Variants in EXD1 observed in about 807,000 individuals in gnomAD.
EXD1 encodes the protein exonuclease 3'-5' domain containing 1.
Under a neutral mutation model 49.1 loss-of-function variants are expected in EXD1, and 63 were observed. That is an observed-to-expected ratio of 1.28 (90% CI 1.05 to 1.58). The LOEUF is 1.58. Ranked by LOEUF, EXD1 falls within the 40% of genes most tolerant of loss-of-function variation. EXD1 has a pLI of 0.00. For synonymous variants in EXD1, 234 were observed against 239.2 expected (o/e 0.98, Z 0.20); for missense variants, 748 against 666.0 (o/e 1.12, Z -1.36).
intron 11 of EXD1, 92 bp from the exon 12 acceptor site, chr15:41,184,685 C>T (rs1312827528): frequency 4.0e-6 from 5 of 1,258,706 alleles, no homozygotes; most frequent in Admixed American, 3.2e-5. Context: ...GATGGAGTCT[C>T]GCTCTGTCGC....
In EXD1 at chr15:41,184,020, T is replaced by C. The variant is rs754486203; in HGVS notation, c.1630A>G (p.Ile544Val). ...AGTGTGGAAACCACAGTCTTTCTGA[T>C]AGGATAAAAAGTGTCACTTGGAGAC... ...RVSPSDTFYP[I>V]RKTVVSTLPP... is the part of the protein sequence containing the mutation. The change falls in exon 12 of 12, where the codon ATC (isoleucine) becomes GTC (valine). Residue 544 changes from isoleucine to valine, a missense_variant. Coordinates refer to ENST00000458580, the MANE Select transcript of EXD1 (RefSeq NM_001286441.2). 1.9e-6 allele frequency: 3 copies of C among 1,614,030 alleles called. No homozygotes were observed. Among genetic ancestry groups the C allele is most frequent in the African/African-American group, 2.7e-5 (2 of 74,910 alleles).
chr15:41,200,428 C>G, intron 7 of EXD1, among the ~76,000 whole-genome samples: 1 of 152,100 alleles, frequency 6.6e-6, no homozygotes, highest in Non-Finnish European at 1.5e-5. Context: ...GAGGCTGAGA[C>G]AGGAGAACTG....
intron 11 of EXD1, 68 bp downstream of exon 11, chr15:41,189,869 G>T (rs2046477584): frequency 1.3e-6 from 2 of 1,484,852 alleles, no homozygotes; most frequent in Non-Finnish European, 1.9e-6. Flanking sequence ...ATGAAGAAAG[G>T]GTATCACTGT....
chr15:41,183,861 G>A lies in EXD1; in HGVS notation c.*70C>T, dbSNP rs938691703. Reference sequence around the variant, plus strand: ...TACATTTACAACATGAGAAACCTGGGCACTGTGGAAAGCCCTGATGGCAAA... The same window carrying A: ...TACATTTACAACATGAGAAACCTGGACACTGTGGAAAGCCCTGATGGCAAA... On this transcript the variant is annotated 3_prime_UTR_variant, in exon 12 of 12. Transcript: ENST00000458580. The A allele has an allele frequency of 4.9e-6, 7 of 1,438,400 alleles. No individual in the cohort carries two copies. In the African/African-American group the frequency reaches 1.0e-4, roughly 21 times the overall value. 89.1% of individuals were successfully genotyped at this position (1,438,400 alleles called of 1,614,324 possible).
At chr15:41,228,026 G>A (rs899498943) in intron 1 of EXD1, among the ~76,000 whole-genome samples, 2 of 152,076 alleles carry the variant, frequency 1.3e-5, no homozygotes, top group Non-Finnish European at 2.9e-5. Flanking sequence ...CTCCAGCCTG[G>A]GAGACAAGAG....
At chr15:41,215,901 T>C (rs567978492) in intron 5 of EXD1, 68 bp from the exon 6 acceptor site, 13 of 1,538,118 alleles carry the variant, frequency 8.5e-6, no homozygotes, top group Non-Finnish European at 1.2e-5. Flanking sequence ...CTCAATAATT[T>C]TGGCCACACT....
chr15:41,189,770 T>A (rs990850710), intron 11 of EXD1, among the ~76,000 whole-genome samples, 167 bp downstream of exon 11: 11 of 152,204 alleles, frequency 7.2e-5, no homozygotes, highest in African/African-American at 2.2e-4. Flanking sequence ...CTTAACATTA[T>A]GAAAAAGTGA....
intron 6 of EXD1, among the ~76,000 whole-genome samples, chr15:41,211,609 G>A (rs940550533): frequency 2.0e-5 from 3 of 151,868 alleles, no homozygotes; most frequent in Non-Finnish European, 4.4e-5. Flanking sequence ...GATTGCTTGA[G>A]CCCAGGAGTT....
At position 41,222,363 on chromosome 15, in the gene EXD1, C is replaced by T. The variant is rs116925408; in HGVS notation, c.134-2465G>A. Among the ~76,000 whole-genome samples, 371 of 152,204 alleles carry T rather than the reference C, an allele frequency of 2.4e-3. 11 individuals are homozygous for T. In the East Asian group the frequency reaches 0.056, roughly 23 times the overall value. The stretch of plus-strand genomic sequence containing the variant: ...CTGGGAGGCGGAGGTTGCAGTGAGT[C>T]GAGATCCCTCCCAAAGTGCTGAGAT... On this transcript the variant is annotated intron_variant, in intron 2 of 11. Coordinates refer to ENST00000458580, the MANE Select transcript of EXD1 (RefSeq NM_001286441.2).
chr15:41,184,229 G>A lies in EXD1; in HGVS notation c.1421C>T (p.Ser474Leu). The A allele has an allele frequency of 6.2e-7, 1 of 1,614,104 alleles. No individual in the cohort carries two copies. ...TATTCTCTGGTCCTCTGACCCCTTT[G>A]ACTTTGTGCAAATGAGTTTGTTACT... ...DSSNKLICTK[S>L]KGSEDQRITQ... is the part of the protein sequence containing the mutation. Residue 474 changes from serine to leucine, a missense_variant, in exon 12 of 12, where the codon TCA (serine) becomes TTA (leucine). Coordinates refer to ENST00000458580, the MANE Select transcript of EXD1 (RefSeq NM_001286441.2).
At chr15:41,206,095 C>T in intron 7 of EXD1, among the ~76,000 whole-genome samples, 1 of 151,882 alleles carries the variant, frequency 6.6e-6, no homozygotes, top group Middle Eastern at 3.2e-3. Context: ...GGAGCAAAAT[C>T]TTTATTTATC....
At chr15:41,205,641 G>A (rs2046810318) in intron 7 of EXD1, among the ~76,000 whole-genome samples, 2 of 151,432 alleles carry the variant, frequency 1.3e-5, no homozygotes, top group South Asian at 2.1e-4. Context: ...TAGCTATCAC[G>A]GTGGGATGTG....
At chr15:41,198,690 ATTTTTTAATTAAAAAAAATTTTTTTTTT>A (rs1217222838) in intron 7 of EXD1, among the ~76,000 whole-genome samples, 2 of 145,966 alleles carry the variant, frequency 1.4e-5, no homozygotes, top group Non-Finnish European at 3.0e-5. Context: ...CTCTCTTTTT[ATTTTTTAATTAAAAAAAATTTTTTTTTT>A]TTTTAAGACA....
At chr15:41,225,564 A>C (rs1184831159) in intron 2 of EXD1, among the ~76,000 whole-genome samples, 1 of 141,218 alleles carries the variant, frequency 7.1e-6, no homozygotes, top group Non-Finnish European at 1.5e-5. Flanking sequence ...TAGCCTGGGC[A>C]ACAAGAACGA....
At chr15:41,186,095 G>C (rs986451161) in intron 11 of EXD1, among the ~76,000 whole-genome samples, 1 of 152,036 alleles carries the variant, frequency 6.6e-6, no homozygotes, top group Admixed American at 6.6e-5. Context: ...CCTGATATTA[G>C]TGTTCTCAAA....
chr15:41,196,216 G>A (rs771311499), intron 7 of EXD1, among the ~76,000 whole-genome samples, 179 bp from the exon 8 acceptor site: 1 of 151,952 alleles, frequency 6.6e-6, no homozygotes, highest in South Asian at 2.1e-4. Flanking sequence ...GCACAATCAC[G>A]GCTCACTGCA....
chr15:41,186,894 C>CTTTTTTTT (rs374021562), intron 11 of EXD1, among the ~76,000 whole-genome samples: 1 of 127,112 alleles, frequency 7.9e-6, no homozygotes, highest in East Asian at 2.2e-4. Context: ...TTTTTTTTTT[C>CTTTTTTTT]TTTTTTTTTT....
intron 6 of EXD1, among the ~76,000 whole-genome samples, chr15:41,215,469 G>C (rs1228139865): frequency 6.6e-6 from 1 of 152,038 alleles, no homozygotes; most frequent in Non-Finnish European, 1.5e-5. Context: ...GGTGGATCAC[G>C]AGGTCAGGAG....
At chr15:41,210,167 G>A (rs987696496) in intron 6 of EXD1, among the ~76,000 whole-genome samples, 5 of 152,020 alleles carry the variant, frequency 3.3e-5, no homozygotes, top group Non-Finnish European at 7.4e-5. Context: ...TACCTGCCTC[G>A]GCCTCCCAAA....
Sources: allele counts gnomAD v4.1 joint callset (sites outside exome capture counted in the v4.1 genomes callset), GRCh38; gene constraint gnomAD v4.1.1; transcripts MANE v1.5; gene names NCBI Gene and HGNC (gene_info 2026-07-23, HGNC 2026-07-21).